Variants in PRKDC observed in about 807,000 individuals in gnomAD.
The protein encoded by PRKDC is protein kinase, DNA-activated, catalytic subunit.
A neutral mutation model predicts 486.9 loss-of-function variants in PRKDC; 82 were observed. The ratio of observed to expected loss-of-function variants is 0.17; its 90% CI spans 0.14 to 0.20. The LOEUF (loss-of-function observed/expected upper bound fraction) is 0.20. PRKDC is among the 10% of genes least tolerant of loss of function. PRKDC has a pLI of 1.00. For missense variants in PRKDC, 4,504 were observed against 5,038.2 expected (o/e 0.89, Z 3.21); for synonymous variants, 1,895 against 1,837.0 (o/e 1.03, Z -0.81).
In PRKDC at chr8:47,821,708, T is replaced by C; in HGVS notation, c.9007A>G (p.Asn3003Asp). Reference sequence around the variant, plus strand: ...AGTGATTTCCACTCAGCAAGGTGGTTGTAACAGTCAAGGGATGCAAGTTCC... The same window carrying C: ...AGTGATTTCCACTCAGCAAGGTGGTCGTAACAGTCAAGGGATGCAAGTTCC... Reference protein sequence around the residue: ...FWELASLDCYNHLAEWKSLEY... With the variant: ...FWELASLDCYDHLAEWKSLEY... Residue 3003 changes from asparagine (N) to aspartate (D), a missense_variant, in exon 65 of 86, where the codon AAC (asparagine) becomes GAC (aspartate). Asn to Asp is a conservative substitution (Grantham distance 23). This residue lies in a region of PRKDC where 1,592 missense variants were observed against 1,724.6 expected (regional missense o/e 0.92). Transcript: ENST00000314191. 3 of 1,601,420 alleles carry C rather than the reference T, an allele frequency of 1.9e-6. No individual in the cohort carries two copies. The highest frequency in any genetic ancestry group is 2.6e-6 in the Non-Finnish European group (3 of 1,173,324).
intron 25 of PRKDC, among the ~76,000 whole-genome samples, chr8:47,909,054 A>G (rs2089847112): frequency 6.6e-6 from 1 of 152,036 alleles, no homozygotes; most frequent in African/African-American, 2.4e-5. Flanking sequence ...TCCCCTTGAT[A>G]TATAATCTAA....
At chr8:47,864,163 A>C (rs755046042) in intron 41 of PRKDC, among the ~76,000 whole-genome samples, 5 of 152,110 alleles carry the variant, frequency 3.3e-5, no homozygotes, top group Non-Finnish European at 5.9e-5. Flanking sequence ...ATGTGTAGGG[A>C]GATTAGATAG....
chr8:47,801,103 G>C (rs989813753), intron 70 of PRKDC, 117 bp from the exon 71 acceptor site: 21 of 1,014,850 alleles, frequency 2.1e-5, no homozygotes, highest in Admixed American at 4.8e-5. Flanking sequence ...ATAGGGTCTC[G>C]CTCTGTTACC....
At chr8:47,944,177 C>A (rs2090491651) in intron 7 of PRKDC, 148 bp from the exon 8 acceptor site, 9 of 716,760 alleles carry the variant, frequency 1.3e-5, no homozygotes, top group Non-Finnish European at 1.9e-5. Flanking sequence ...GCTAAAGTTG[C>A]AAGTTATTAC....
chr8:47,824,033 C>T (rs373835048), intron 63 of PRKDC, 37 bp from the exon 64 acceptor site: 6 of 1,476,250 alleles, frequency 4.1e-6, no homozygotes, highest in East Asian at 2.4e-5. Context: ...TCAATGAACA[C>T]TCCAGTATTT....
chr8:47,859,043 G>A (rs2088614035), intron 46 of PRKDC, 57 bp from the exon 47 acceptor site: 1 of 1,586,494 alleles, frequency 6.3e-7, no homozygotes, highest in Non-Finnish European at 8.6e-7. Context: ...AGTGGACAAG[G>A]CAGTGGATGT....
intron 25 of PRKDC, 146 bp from the exon 26 acceptor site, chr8:47,905,122 T>G (rs1002156350): frequency 5.0e-6 from 3 of 596,494 alleles, no homozygotes; most frequent in Non-Finnish European, 8.6e-6. Context: ...TAGTTCAGGC[T>G]CAAGTGGTCC....
chr8:47,871,011 G>T (rs1014980075), intron 40 of PRKDC, among the ~76,000 whole-genome samples: 1 of 152,126 alleles, frequency 6.6e-6, no homozygotes, highest in Non-Finnish European at 1.5e-5. Flanking sequence ...GAACATGTAG[G>T]CAGGCTATTT....
intron 67 of PRKDC, 103 bp from the exon 68 acceptor site, chr8:47,817,664 T>C (rs984837483): frequency 1.4e-6 from 1 of 705,940 alleles, no homozygotes. Flanking sequence ...CCTGCCCAAA[T>C]TACAAAAAAG....
At chr8:47,957,661 C>T (rs1204744882) in intron 1 of PRKDC, among the ~76,000 whole-genome samples, 1 of 152,142 alleles carries the variant, frequency 6.6e-6, no homozygotes, top group Admixed American at 6.6e-5. Flanking sequence ...AAGGTGCCCA[C>T]CACCATGCCC....
intron 21 of PRKDC, among the ~76,000 whole-genome samples, chr8:47,921,203 C>A (rs2090064581): frequency 6.6e-6 from 1 of 150,696 alleles, no homozygotes; most frequent in African/African-American, 2.4e-5. Flanking sequence ...TGCAGTGAGC[C>A]AAGATCACGC....
At position 47,923,407 on chromosome 8, in the gene PRKDC, A is replaced by G. The variant is rs377538271; in HGVS notation, c.2419+3787T>C. On this transcript the variant is annotated intron_variant, in intron 21 of 85. Coordinates refer to ENST00000314191, the MANE Select transcript of PRKDC (RefSeq NM_006904.7). The stretch of plus-strand genomic sequence containing the variant: ...GCAAAGATTCACTGTCTTACCAGAA[A>G]AATTTTCTGAGCTTTACACTGACTT... 1.8e-4 allele frequency among the ~76,000 whole-genome samples: 28 copies of G among 152,280 alleles called. 1 individual carries two copies. Among genetic ancestry groups the G allele is most frequent in the African/African-American group, 6.5e-4 (27 of 41,568 alleles).
chr8:47,960,006 C>A lies in PRKDC; in HGVS notation c.121G>T (p.Glu41Ter). 1 of 1,534,304 alleles carries A rather than the reference C, an allele frequency of 6.5e-7. No homozygotes were observed. The highest frequency in any genetic ancestry group is 1.2e-5 in the South Asian group (1 of 84,020). ...GCGGGGCTGCTGCTCAGGACGCATT[C>A]CTGCCCCAGGCCGCGGATCAGTTGA... is the stretch of plus-strand genomic sequence containing the variant. ...GHQLIRGLGQ[E>*]CVLSSSPAVL... The change falls in exon 1 of 86, where the codon GAA (glutamate) becomes TAA (stop). Residue 41 changes from glutamate (E) to a stop codon, truncating the protein, a stop_gained. Transcript: ENST00000314191. LOFTEE classifies it high-confidence loss of function.
chr8:47,916,402 G>C (rs2154502937), intron 22 of PRKDC, among the ~76,000 whole-genome samples: 1 of 151,950 alleles, frequency 6.6e-6, no homozygotes, highest in South Asian at 2.1e-4. Flanking sequence ...GAGCACTCCA[G>C]CCTGGGCAAC....
At chr8:47,834,140 C>T in intron 59 of PRKDC, 56 bp downstream of exon 59, 1 of 1,589,558 alleles carries the variant, frequency 6.3e-7, no homozygotes, top group Admixed American at 1.7e-5. Flanking sequence ...CAGACCTGAG[C>T]TCTGCAGTAA....
At chr8:47,815,733 G>A (rs2087428952) in intron 68 of PRKDC, among the ~76,000 whole-genome samples, 1 of 152,186 alleles carries the variant, frequency 6.6e-6, no homozygotes, top group East Asian at 1.9e-4. Context: ...TTATAATTTT[G>A]CAACCATTAT....
chr8:47,842,574 G>T (rs1366103186), intron 54 of PRKDC, among the ~76,000 whole-genome samples: 9 of 151,904 alleles, frequency 5.9e-5, no homozygotes, highest in Non-Finnish European at 1.0e-4. Flanking sequence ...TGATGAATAA[G>T]AAAACAAAAG....
At chr8:47,892,220 C>T (rs1162601965) in intron 31 of PRKDC, among the ~76,000 whole-genome samples, 7 of 151,998 alleles carry the variant, frequency 4.6e-5, no homozygotes, top group African/African-American at 1.7e-4. Flanking sequence ...AATAAAATTC[C>T]AACCGCATAA....
chr8:47,818,204 T>G (rs1284086119), intron 67 of PRKDC, among the ~76,000 whole-genome samples: 1 of 152,138 alleles, frequency 6.6e-6, no homozygotes, highest in Non-Finnish European at 1.5e-5. Flanking sequence ...CTTTCACTTA[T>G]TAGCTTAGGC....
Sources: allele counts gnomAD v4.1 joint callset (sites outside exome capture counted in the v4.1 genomes callset), GRCh38; gene constraint gnomAD v4.1.1; regional missense constraint gnomAD v4.1.1; transcripts MANE v1.5; gene names NCBI Gene and HGNC (gene_info 2026-07-23, HGNC 2026-07-21).